The following TET3 variants were observed in gnomAD, a reference collection of about 807,000 sequenced individuals.
TET3 encodes tet methylcytosine dioxygenase 3, also known as methylcytosine dioxygenase TET3.
In TET3, 19 loss-of-function variants were observed where a neutral mutation model predicts 141.4. The ratio of observed to expected loss-of-function variants is 0.13; its 90% CI spans 0.09 to 0.20. The LOEUF (loss-of-function observed/expected upper bound fraction) is 0.20, where lower values mean the gene tolerates loss of function less well. Among genes scored for constraint, TET3 ranks in the 10% least tolerant of loss-of-function variants. TET3 has a pLI of 1.00. For synonymous variants in TET3, 1,043 were observed against 980.9 expected (o/e 1.06, Z -1.18); for missense variants, 1,874 against 2,356.9 (o/e 0.80, Z 4.24).
chr2:74,070,907 C>T (rs550554482), intron 4 of TET3, among the ~76,000 whole-genome samples: 2 of 152,058 alleles, frequency 1.3e-5, no homozygotes, highest in South Asian at 2.1e-4. Flanking sequence ...CCTGGGAGGT[C>T]GAAGCTGCAG....
intron 3 of TET3, among the ~76,000 whole-genome samples, chr2:74,045,130 A>C (rs4853007): frequency 0.31 from 47,244 of 152,026 alleles, 7,863 homozygotes; most frequent in African/African-American, 0.42. Flanking sequence ...TTTTGGCAGG[A>C]GTTCTATGTG....
intron 3 of TET3, among the ~76,000 whole-genome samples, chr2:74,031,004 A>G (rs1188374191): frequency 6.6e-6 from 1 of 152,102 alleles, no homozygotes; most frequent in African/African-American, 2.4e-5. Context: ...TGCTGAGGAA[A>G]AGGATGCAGG....
chr2:74,059,614 G>A (rs1302579906), intron 4 of TET3, among the ~76,000 whole-genome samples: 1 of 151,796 alleles, frequency 6.6e-6, no homozygotes, highest in South Asian at 2.1e-4. Flanking sequence ...GTACAGTGAT[G>A]TGATCATAGC....
intron 4 of TET3, among the ~76,000 whole-genome samples, chr2:74,072,970 G>A (rs560538859): frequency 1.3e-5 from 2 of 152,150 alleles, no homozygotes; most frequent in Non-Finnish European, 2.9e-5. Flanking sequence ...GTGGACATAC[G>A]CATTTTATGT....
chr2:74,133,668 G>C, the TET3 span, among the ~76,000 whole-genome samples: 1 of 152,230 alleles, frequency 6.6e-6, no homozygotes, highest in Non-Finnish European at 1.5e-5. Context: ...CAATCCAAGG[G>C]AGAGAGCAAG....
the TET3 span, chr2:74,135,022 G>C: frequency 3.8e-6 from 1 of 265,668 alleles, no homozygotes; most frequent in Non-Finnish European, 7.5e-6. Context: ...AGCTTCTGTC[G>C]TGGGAGGTGG....
intron 3 of TET3, among the ~76,000 whole-genome samples, chr2:74,026,219 A>G (rs1340762040): frequency 2.1e-5 from 3 of 139,916 alleles, no homozygotes; most frequent in Non-Finnish European, 4.6e-5. Context: ...GGAGAGAGGG[A>G]CTTTGACACT....
At chr2:74,025,713 C>A (rs868412757) in intron 3 of TET3, among the ~76,000 whole-genome samples, 2 of 152,162 alleles carry the variant, frequency 1.3e-5, no homozygotes, top group African/African-American at 2.4e-5. Context: ...GTAAGAGAAA[C>A]CCCCCAGATC....
chr2:74,101,261 G>C lies in TET3; in HGVS notation c.4473G>C (p.Gly1491=). 6.2e-7 allele frequency: 1 copy of C among 1,612,524 alleles called. No individual in the cohort carries two copies. Among genetic ancestry groups the C allele is most frequent in the South Asian group, 1.1e-5 (1 of 90,780 alleles). Reference sequence around the variant, plus strand: ...CCCACTTCACAGATGGCCAGTGGGGGCTGTTCCCCGGTGAGGGGCAGCAGG... The same window carrying C: ...CCCACTTCACAGATGGCCAGTGGGGCCTGTTCCCCGGTGAGGGGCAGCAGG... ...APSHFTDGQW[G]LFPGEGQQAA... is the part of the protein sequence containing the mutation. Residue 1491 remains glycine, a synonymous_variant, in exon 12 of 12, where the codon GGG becomes GGC. Coordinates refer to ENST00000409262, the MANE Select transcript of TET3 (RefSeq NM_001287491.2). The surrounding 1 kb of genome is among the most constrained non-coding windows in gnomAD (Gnocchi z 8.5).
At chr2:74,030,139 A>G (rs1686600705) in intron 3 of TET3, among the ~76,000 whole-genome samples, 1 of 152,252 alleles carries the variant, frequency 6.6e-6, no homozygotes, top group Admixed American at 6.5e-5. Context: ...AGATAAATGA[A>G]TGAATACATA....
the TET3 span, among the ~76,000 whole-genome samples, chr2:74,126,294 A>G: frequency 1.3e-5 from 2 of 152,138 alleles, no homozygotes; most frequent in Non-Finnish European, 2.9e-5. Context: ...TACAGTGCAC[A>G]TCTATTAATG....
chr2:73,996,492 C>G (rs1326851201), intron 2 of TET3, among the ~76,000 whole-genome samples: 2 of 152,124 alleles, frequency 1.3e-5, no homozygotes, highest in African/African-American at 2.4e-5. Flanking sequence ...CATAGGAAAT[C>G]TGATAACCTA....
upstream of TET3, among the ~76,000 whole-genome samples, chr2:73,983,877 G>A (rs536428099): frequency 3.3e-5 from 5 of 152,378 alleles, no homozygotes; most frequent in Admixed American, 1.3e-4. Flanking sequence ...ACCGAGGTAG[G>A]TGGAAGGCAG....
rs1490045247 is a variant in TET3 at position 74,103,629 on chromosome 2, T to G, written c.*1453T>G. 6.6e-6 allele frequency: 1 copy of G among 152,384 alleles called. No homozygotes were observed. The highest frequency in any genetic ancestry group is 1.5e-5 in the Non-Finnish European group (1 of 68,038). The allele number at this position is 152,384 out of a possible 1,614,324, so 9.4% of individuals were successfully genotyped here. On this transcript the variant is annotated 3_prime_UTR_variant, in exon 12 of 12. Coordinates refer to ENST00000409262, the MANE Select transcript of TET3 (RefSeq NM_001287491.2). ...CTGAAATTCTGGTGCATTCATTCGG[T>G]TCTTTGAAATGAGAATGTGGTGCTT...
rs566414145 is a variant in TET3 at position 74,047,414 on chromosome 2, G to A, written c.1497G>A (p.Pro499=). 2.1e-5 allele frequency: 34 copies of A among 1,612,238 alleles called. No individual in the cohort carries two copies. Among genetic ancestry groups the A allele is most frequent in the African/African-American group, 1.5e-4 (11 of 74,950 alleles). ...AGGTGGAGGCACCCTCTTCCTCCCC[G>A]GCCCCGGCCCCATCCCCTGTACTTC... ...KVKVEAPSSS[P]APAPSPVLQR... is the part of the protein sequence containing the mutation. Residue 499 remains proline (P), a synonymous_variant, in exon 4 of 12, where the codon CCG becomes CCA. Transcript: ENST00000409262.
Position 74,100,645 on chromosome 2 carries a change from A to G in TET3, c.3857A>G (p.Tyr1286Cys), listed in dbSNP as rs1412202989. Residue 1286 changes from tyrosine to cysteine, a missense_variant, in exon 12 of 12, where the codon TAC becomes TGC. Coordinates refer to ENST00000409262, the MANE Select transcript of TET3 (RefSeq NM_001287491.2). ...HSKYALPSFS[Y>C]YGFPSSNPVF... ...AAGTACGCTCTCCCGTCTTTTAGCT[A>G]CTATGGCTTTCCATCCAGCAACCCC... 10 of 1,613,910 alleles carry G rather than the reference A, an allele frequency of 6.2e-6. No homozygotes were observed. The highest frequency in any genetic ancestry group is 2.2e-5 in the East Asian group (1 of 44,886).
chr2:74,016,564 A>C (rs1685737904), intron 3 of TET3, among the ~76,000 whole-genome samples: 1 of 152,092 alleles, frequency 6.6e-6, no homozygotes, highest in African/African-American at 2.4e-5. Context: ...TCTACTAAAA[A>C]TACAAAAATT....
At chr2:74,061,264 C>T (rs1239648855) in intron 4 of TET3, among the ~76,000 whole-genome samples, 4 of 145,956 alleles carry the variant, frequency 2.7e-5, no homozygotes, top group South Asian at 2.2e-4. Context: ...ACTTCCCTCC[C>T]GGATGGGGCG....
At chr2:73,998,854 C>T (rs1026085591) in intron 2 of TET3, among the ~76,000 whole-genome samples, 1 of 151,910 alleles carries the variant, frequency 6.6e-6, no homozygotes, top group African/African-American at 2.4e-5. Flanking sequence ...TCACAGACTT[C>T]CCTCATAGTC....
Sources: allele counts gnomAD v4.1 joint callset (sites outside exome capture counted in the v4.1 genomes callset), GRCh38; gene constraint gnomAD v4.1.1; non-coding constraint Gnocchi (gnomAD v3.1); transcripts MANE v1.5; gene names NCBI Gene and HGNC (gene_info 2026-07-23, HGNC 2026-07-21).